Variants in CALCRL observed in about 807,000 individuals in gnomAD.
CALCRL encodes the protein calcitonin gene-related peptide type 1 receptor.
In CALCRL, 27 loss-of-function variants were observed where a neutral mutation model predicts 60.4. The ratio of observed to expected loss-of-function variants is 0.45; its 90% CI spans 0.33 to 0.62. The LOEUF (loss-of-function observed/expected upper bound fraction) is 0.62. Ranked by LOEUF, CALCRL falls within the 20% of genes least tolerant of loss-of-function variation. CALCRL has a pLI of 0.03. For missense variants in CALCRL, 424 were observed against 540.7 expected (o/e 0.78, Z 2.14); for synonymous variants, 190 against 182.6 (o/e 1.04, Z -0.33).
chr2:187,389,700 A>C (rs1226351955), intron 1 of CALCRL, among the ~76,000 whole-genome samples: 1 of 151,988 alleles, frequency 6.6e-6, no homozygotes, highest in Non-Finnish European at 1.5e-5. Flanking sequence ...TCATTTTTTC[A>C]GGATGGTGGG....
chr2:187,352,293 T>G lies in CALCRL; in HGVS notation c.949A>C (p.Ile317Leu), dbSNP rs1002605472. Residue 317 changes from isoleucine (I) to leucine (L), a missense_variant, in exon 13 of 15, where the codon ATC becomes CTC. By Grantham distance (5) the Ile-to-Leu change is conservative. Coordinates refer to ENST00000392370, the MANE Select transcript of CALCRL (RefSeq NM_005795.6). The stretch of plus-strand genomic sequence containing the variant: ...TGGTGTGTAACTTTTAACTTGGTGA[T>G]GAGAACGCGTACAATATTTAACAAG... ...FFLLNIVRVLITKLKVTHQAE... is the reference protein window; with the variant it reads ...FFLLNIVRVLLTKLKVTHQAE... 2 of 1,611,790 alleles carry G rather than the reference T, an allele frequency of 1.2e-6. No homozygotes were observed. Among genetic ancestry groups the G allele is most frequent in the Admixed American group, 3.3e-5 (2 of 59,772 alleles).
intron 1 of CALCRL, among the ~76,000 whole-genome samples, chr2:187,418,902 C>T (rs1442250729): frequency 7.1e-6 from 1 of 141,026 alleles, no homozygotes; most frequent in Non-Finnish European, 1.5e-5. Flanking sequence ...TGTCACCAGG[C>T]TGGGGTGCAG....
intron 1 of CALCRL, chr2:187,428,468 A>C (rs890436928): frequency 1.3e-5 from 2 of 152,260 alleles, no homozygotes; most frequent in African/African-American, 4.8e-5. Context: ...CCTACAAGTC[A>C]TTAATTGTGT....
chr2:187,409,234 A>G (rs1314463485), intron 1 of CALCRL, among the ~76,000 whole-genome samples: 1 of 152,162 alleles, frequency 6.6e-6, no homozygotes, highest in East Asian at 1.9e-4. Flanking sequence ...CCTTTCAAAT[A>G]TATTTGCTTT....
At chr2:187,397,603 A>G (rs698574) in intron 1 of CALCRL, among the ~76,000 whole-genome samples, 3,512 of 151,752 alleles carry the variant, frequency 0.023, 138 homozygotes, top group African/African-American at 0.08. Context: ...AATATAGTGC[A>G]TAGTTGTGAA....
intron 1 of CALCRL, among the ~76,000 whole-genome samples, chr2:187,417,722 G>T (rs191799458): frequency 9.2e-5 from 14 of 151,734 alleles, no homozygotes; most frequent in Non-Finnish European, 1.5e-4. Flanking sequence ...GAAGACAAAA[G>T]GTCTAAATAC....
rs767065955 is a variant in CALCRL at position 187,383,246 on chromosome 2, A to G, written c.111T>C (p.Thr37=). The part of the protein sequence containing the change: ...SPEDSIQLGV[T]RNKIMTAQYE... ...ATTGAGCTGTCATGATTTTATTTCT[A>G]GTAACTCCCAACTGAATTGAGTCCT... The change falls in exon 5 of 15, where the codon ACT becomes ACC. Residue 37 remains threonine, a synonymous_variant. Coordinates refer to ENST00000392370, the MANE Select transcript of CALCRL (RefSeq NM_005795.6). The G allele has an allele frequency of 4.0e-5, 64 of 1,612,388 alleles. No individual in the cohort carries two copies. In the South Asian group the frequency reaches 6.7e-4, roughly 17 times the overall value.
At chr2:187,370,088 T>C (rs987537817) in intron 8 of CALCRL, among the ~76,000 whole-genome samples, 3 of 152,246 alleles carry the variant, frequency 2.0e-5, no homozygotes, top group South Asian at 4.1e-4. Flanking sequence ...TGAAAAATTG[T>C]TTACTTTATT....
At chr2:187,445,265 C>T (rs1187383720) in intron 1 of CALCRL, among the ~76,000 whole-genome samples, 1 of 151,486 alleles carries the variant, frequency 6.6e-6, no homozygotes, top group Non-Finnish European at 1.5e-5. Flanking sequence ...GGTTTAATAG[C>T]TTCTCTGAAT....
Position 187,383,181 on chromosome 2 carries a change from TGTTG to T in CALCRL, c.172_175del (p.Gln58LysfsTer77). Reference sequence around the variant, plus strand: ...TAAGTAGCCATGCTTACCTTCTGCTTGTTGAATGGGGTCTTGCATAATCTTTTGG... The same window carrying T: ...TAAGTAGCCATGCTTACCTTCTGCTTAATGGGGTCTTGCATAATCTTTTGG... On this transcript the variant is annotated frameshift_variant, in exon 5 of 15. Coordinates refer to ENST00000392370, the MANE Select transcript of CALCRL (RefSeq NM_005795.6). LOFTEE classifies it high-confidence loss of function. 3.7e-6 allele frequency: 6 copies of T among 1,608,098 alleles called. No individual in the cohort carries two copies. Among genetic ancestry groups the T allele is most frequent in the Non-Finnish European group, 5.1e-6 (6 of 1,178,832 alleles).
chr2:187,422,633 C>G (rs1165631334), intron 1 of CALCRL, among the ~76,000 whole-genome samples: 1 of 151,964 alleles, frequency 6.6e-6, no homozygotes, highest in Admixed American at 6.6e-5. Context: ...TGAAGTTCAA[C>G]ACATAAGAAA....
chr2:187,375,911 T>A (rs751661990), intron 8 of CALCRL, among the ~76,000 whole-genome samples: 1 of 152,200 alleles, frequency 6.6e-6, no homozygotes, highest in African/African-American at 2.4e-5. Flanking sequence ...TAAATACAGA[T>A]ATAAAAATAT....
At chr2:187,387,109 G>A (rs698576) in intron 3 of CALCRL, among the ~76,000 whole-genome samples, 3,675 of 152,192 alleles carry the variant, frequency 0.024, 152 homozygotes, top group African/African-American at 0.083. Flanking sequence ...AAAAATTTCC[G>A]ATCAACAGAT....
chr2:187,422,156 T>A (rs1220236776), intron 1 of CALCRL, among the ~76,000 whole-genome samples: 1 of 152,158 alleles, frequency 6.6e-6, no homozygotes, highest in Non-Finnish European at 1.5e-5. Context: ...AGGGCAAGTG[T>A]TTTTATTACT....
rs1032758431 is a variant in CALCRL, at chr2:187,426,227, T to A, written c.-293+21812A>T. 8.2e-5 allele frequency among the ~76,000 whole-genome samples: 12 copies of A among 146,802 alleles called. 1 individual carries two copies. The highest frequency in any genetic ancestry group is 2.9e-4 in the African/African-American group (12 of 40,728). On this transcript the variant is annotated intron_variant, in intron 1 of 14. Transcript: ENST00000392370. ...CACTTTAAAATCTGTGAAGTTATGG[T>A]GTCTGTCATTTATTATTTTTTTTTT...
intron 5 of CALCRL, among the ~76,000 whole-genome samples, chr2:187,381,444 A>G (rs1051548010): frequency 6.6e-6 from 1 of 152,054 alleles, no homozygotes; most frequent in Non-Finnish European, 1.5e-5. Flanking sequence ...GTAACAGTCT[A>G]TAATTAAAAA....
intron 1 of CALCRL, among the ~76,000 whole-genome samples, chr2:187,435,443 A>T (rs568218955): frequency 1.3e-5 from 2 of 152,280 alleles, no homozygotes; most frequent in Admixed American, 1.3e-4. Flanking sequence ...TCTCCTTTCC[A>T]CCAGGTCCCA....
In CALCRL at chr2:187,363,400, G is replaced by A. The variant is rs757493260; in HGVS notation, c.603C>T (p.Asn201=). The change falls in exon 9 of 15, where the codon AAC becomes AAT. Residue 201 remains asparagine (N), a synonymous_variant. Coordinates refer to ENST00000392370, the MANE Select transcript of CALCRL (RefSeq NM_005795.6). ...TIIHLTAVAN[N]QALVATNPVS... ...CAGGATTTGTGGCTACTAAGGCCTG[G>A]TTGTTGGCCACTGCAGTGAGGTGAA... 28 of 1,611,632 alleles carry A rather than the reference G, an allele frequency of 1.7e-5. No homozygotes were observed. Among genetic ancestry groups the A allele is most frequent in the Admixed American group, 8.4e-5 (5 of 59,642 alleles).
chr2:187,409,170 CT>C (rs745626450), intron 1 of CALCRL, among the ~76,000 whole-genome samples: 41 of 152,108 alleles, frequency 2.7e-4, no homozygotes, highest in Non-Finnish European at 5.4e-4. Flanking sequence ...CTTGGTCTCC[CT>C]GGGAAAGTGT....
Sources: allele counts gnomAD v4.1 joint callset (sites outside exome capture counted in the v4.1 genomes callset), GRCh38; gene constraint gnomAD v4.1.1; transcripts MANE v1.5; gene names NCBI Gene and HGNC (gene_info 2026-07-23, HGNC 2026-07-21).